The following FILIP1L variants were observed in gnomAD, a reference collection of about 807,000 sequenced individuals.
FILIP1L encodes filamin A-interacting protein 1-like.
In FILIP1L, 55 loss-of-function variants were observed where a neutral mutation model predicts 96.6. That is an observed-to-expected ratio of 0.57 (90% CI 0.46 to 0.71). The LOEUF (loss-of-function observed/expected upper bound fraction) is 0.71, where lower values mean the gene tolerates loss of function less well. Ranked by LOEUF, FILIP1L falls within the 30% of genes least tolerant of loss-of-function variation. The pLI is 0.00. For synonymous variants in FILIP1L, 467 were observed against 473.9 expected (o/e 0.99, Z 0.19); for missense variants, 1,304 against 1,321.2 (o/e 0.99, Z 0.20).
At chr3:100,069,142 C>G (rs931799258) in intron 1 of FILIP1L, among the ~76,000 whole-genome samples, 1 of 152,126 alleles carries the variant, frequency 6.6e-6, no homozygotes, top group Non-Finnish European at 1.5e-5. Context: ...CTGTAAGGCT[C>G]CTACTCCTTT....
At chr3:99,877,648 T>C (rs529568506) in intron 4 of FILIP1L, among the ~76,000 whole-genome samples, 2 of 152,346 alleles carry the variant, frequency 1.3e-5, no homozygotes, top group South Asian at 4.1e-4. Context: ...GTTGAGTTTG[T>C]AGTTTTGTTG....
intron 1 of FILIP1L, among the ~76,000 whole-genome samples, chr3:100,082,461 A>G (rs2065946922): frequency 6.6e-6 from 1 of 152,304 alleles, no homozygotes; most frequent in East Asian, 1.9e-4. Context: ...GTAGTTAGTT[A>G]ATGGTTTCTA....
chr3:100,072,113 T>C (rs1339288543), intron 1 of FILIP1L, among the ~76,000 whole-genome samples: 1 of 152,208 alleles, frequency 6.6e-6, no homozygotes, highest in Non-Finnish European at 1.5e-5. Flanking sequence ...ATCACCCACT[T>C]GAGCGTTACA....
At chr3:100,058,082 T>A (rs2065496252) in intron 1 of FILIP1L, among the ~76,000 whole-genome samples, 1 of 152,214 alleles carries the variant, frequency 6.6e-6, no homozygotes, top group African/African-American at 2.4e-5. Flanking sequence ...TTATTTTCTT[T>A]TTGCAGTTGA....
At chr3:99,851,152 GA>G in intron 4 of FILIP1L, 82 bp from the exon 5 acceptor site, 1 of 1,130,070 alleles carries the variant, frequency 8.8e-7, no homozygotes, top group South Asian at 1.7e-5. Context: ...ATGTAATTTA[GA>G]AATTATGTAA....
intron 1 of FILIP1L, among the ~76,000 whole-genome samples, chr3:99,963,539 T>G (rs1265226515): frequency 6.6e-6 from 1 of 152,134 alleles, no homozygotes; most frequent in Admixed American, 6.5e-5. Context: ...GAGCGGGATA[T>G]TTACATTTTG....
intron 1 of FILIP1L, among the ~76,000 whole-genome samples, chr3:100,076,901 G>T (rs2065859117): frequency 6.6e-6 from 1 of 152,202 alleles, no homozygotes; most frequent in Non-Finnish European, 1.5e-5. Flanking sequence ...TGTAGTTAAG[G>T]ATGCAATAGA....
intron 1 of FILIP1L, among the ~76,000 whole-genome samples, chr3:100,010,628 T>C (rs1013274532): frequency 6.6e-6 from 1 of 151,410 alleles, no homozygotes; most frequent in Non-Finnish European, 1.5e-5. Flanking sequence ...TTTTTTTTGT[T>C]TTTGGAGATG....
intron 1 of FILIP1L, among the ~76,000 whole-genome samples, chr3:100,066,721 C>T (rs1304636412): frequency 1.0e-5 from 1 of 97,602 alleles, no homozygotes; most frequent in East Asian, 2.7e-4. Context: ...TTAGTAGAGA[C>T]GGGGTTTCAC....
intron 3 of FILIP1L, among the ~76,000 whole-genome samples, chr3:99,926,210 A>C (rs1030855847): frequency 6.6e-6 from 1 of 152,260 alleles, no homozygotes; most frequent in African/African-American, 2.4e-5. Flanking sequence ...TCAGAAAAAG[A>C]GTACAACTGA....
At chr3:99,897,355 G>A (rs1229868703) in intron 4 of FILIP1L, among the ~76,000 whole-genome samples, 1 of 151,474 alleles carries the variant, frequency 6.6e-6, no homozygotes, top group Non-Finnish European at 1.5e-5. Context: ...GGGGACAAGA[G>A]CTAGACTTTG....
In FILIP1L at chr3:99,862,398, C is replaced by T. The variant is rs527992562; in HGVS notation, c.606-11328G>A. On this transcript the variant is annotated intron_variant, in intron 4 of 5. Coordinates refer to ENST00000477258, the MANE Select transcript of FILIP1L (RefSeq NM_001387850.1). ...AGATATGACTACATAATGTTTATTGCGATCTATTTTAAGGCTTTTCATGGA... is the reference window on the plus strand; with the variant it reads ...AGATATGACTACATAATGTTTATTGTGATCTATTTTAAGGCTTTTCATGGA... 1.1e-4 allele frequency among the ~76,000 whole-genome samples: 17 copies of T among 152,232 alleles called. No homozygotes were observed. In the East Asian group the frequency reaches 2.1e-3, roughly 19 times the overall value.
intron 1 of FILIP1L, among the ~76,000 whole-genome samples, chr3:99,950,902 G>A (rs893919905): frequency 6.6e-6 from 1 of 152,188 alleles, no homozygotes; most frequent in African/African-American, 2.4e-5. Context: ...CACGGAGACA[G>A]TAGTAGCTGG....
chr3:99,930,213 C>T (rs1707433593), intron 2 of FILIP1L, among the ~76,000 whole-genome samples, 184 bp from the exon 3 acceptor site: 1 of 152,122 alleles, frequency 6.6e-6, no homozygotes, highest in South Asian at 2.1e-4. Context: ...AGTCTAATTA[C>T]ACAATTAATG....
At chr3:100,106,372 C>G (rs1238132330) in intron 1 of FILIP1L, among the ~76,000 whole-genome samples, 1 of 152,124 alleles carries the variant, frequency 6.6e-6, no homozygotes, top group Non-Finnish European at 1.5e-5. Flanking sequence ...GGATCTGTTC[C>G]AAGGACCCTC....
chr3:99,832,543 T>TAAA (rs746255036), intron 5 of FILIP1L, among the ~76,000 whole-genome samples: 1 of 42,418 alleles, frequency 2.4e-5, no homozygotes, highest in African/African-American at 1.3e-4. Context: ...CCCAAATCTT[T>TAAA]AAAAAAAAAA....
chr3:100,021,534 CAG>C (rs1325872482), intron 1 of FILIP1L, among the ~76,000 whole-genome samples: 1 of 152,106 alleles, frequency 6.6e-6, no homozygotes, highest in Non-Finnish European at 1.5e-5. Context: ...CCAGAAAGAA[CAG>C]AGTCAAGAAA....
intron 4 of FILIP1L, chr3:99,898,553 G>GGT (rs1192966197): frequency 1.9e-5 from 3 of 154,784 alleles, no homozygotes; most frequent in African/African-American, 7.2e-5. Context: ...GATCACCTGA[G>GGT]GTCAGGGGTT....
intron 1 of FILIP1L, among the ~76,000 whole-genome samples, chr3:100,026,270 A>G (rs941759607): frequency 1.3e-5 from 2 of 152,074 alleles, no homozygotes; most frequent in African/African-American, 2.4e-5. Context: ...AATTTATGTT[A>G]TATTTTTGCT....
Sources: allele counts gnomAD v4.1 joint callset (sites outside exome capture counted in the v4.1 genomes callset), GRCh38; gene constraint gnomAD v4.1.1; transcripts MANE v1.5; gene names NCBI Gene and HGNC (gene_info 2026-07-23, HGNC 2026-07-21).